CLYBL: variants seen among roughly 807,000 people sequenced by gnomAD.
CLYBL encodes the protein citramalyl-CoA lyase, mitochondrial.
A neutral mutation model predicts 38.9 loss-of-function variants in CLYBL; 31 were observed. The observed-to-expected ratio is 0.80, with a 90% CI of 0.60 to 1.08. The LOEUF is 1.08. Among genes scored for constraint, CLYBL ranks in the 50% least tolerant of loss-of-function variants. The pLI is 0.00. For synonymous variants in CLYBL, 171 were observed against 158.6 expected, an observed-to-expected ratio of 1.08 and a Z score of -0.59; for missense variants, 434 against 411.6, an observed-to-expected ratio of 1.05 and a Z score of -0.47.
At chr13:99,868,752 C>G (rs2051813764) in intron 6 of CLYBL, among the ~76,000 whole-genome samples, 2 of 151,968 alleles carry the variant, frequency 1.3e-5, no homozygotes, top group South Asian at 4.2e-4. Flanking sequence ...GAAACCAAAA[C>G]TAAATCTTGG....
intron 2 of CLYBL, among the ~76,000 whole-genome samples, chr13:99,829,574 T>G (rs2050764843): frequency 6.6e-6 from 1 of 152,206 alleles, no homozygotes; most frequent in Non-Finnish European, 1.5e-5. Context: ...GGTTTCTGGT[T>G]TATCTTAGAA....
intron 2 of CLYBL, among the ~76,000 whole-genome samples, chr13:99,804,172 G>A (rs1476789022): frequency 1.3e-5 from 2 of 152,228 alleles, no homozygotes; most frequent in Non-Finnish European, 2.9e-5. Context: ...GTGCACAAAG[G>A]CAGAGAGCGA....
At chr13:99,754,578 T>TG (rs1566313334) in intron 1 of CLYBL, among the ~76,000 whole-genome samples, 1 of 151,490 alleles carries the variant, frequency 6.6e-6, no homozygotes, top group Admixed American at 6.6e-5. Flanking sequence ...ATGATCTTTT[T>TG]TTGTTGTTGT....
chr13:99,908,261 G>T (rs2052717050), exon 10 of CLYBL, among the ~76,000 whole-genome samples: 1 of 152,198 alleles, frequency 6.6e-6, no homozygotes, highest in South Asian at 2.1e-4. Flanking sequence ...CTGGGCAGAG[G>T]CCCATCTGCT....
In CLYBL at chr13:99,618,036, T is replaced by G. The variant is rs774590159; in HGVS notation, c.62+11279T>G. 7.2e-5 allele frequency among the ~76,000 whole-genome samples: 11 copies of G among 152,202 alleles called. No homozygotes were observed. In the East Asian group the frequency reaches 7.7e-4, roughly 11 times the overall value. On this transcript the variant is annotated intron_variant, in intron 1 of 8. Transcript: ENST00000339105. ...TCCACCAGACATATCACATGCTTAT[T>G]TGTTTATTGTCCGCCTGTATCCTAC...
intron 2 of CLYBL, among the ~76,000 whole-genome samples, chr13:99,837,640 T>A (rs769769419): frequency 1.3e-5 from 2 of 152,232 alleles, no homozygotes. Flanking sequence ...TGAGGATTCA[T>A]GGCACGTGCT....
At chr13:99,841,819 T>TCC (rs1384663508) in intron 2 of CLYBL, among the ~76,000 whole-genome samples, 2 of 147,280 alleles carry the variant, frequency 1.4e-5, no homozygotes, top group Non-Finnish European at 3.0e-5. Context: ...TTCCTTTTTT[T>TCC]TTTTTTTTTT....
intron 6 of CLYBL, among the ~76,000 whole-genome samples, chr13:99,866,894 C>T (rs1358192276): frequency 6.6e-6 from 1 of 152,118 alleles, no homozygotes; most frequent in African/African-American, 2.4e-5. Context: ...CCAAGCCCCT[C>T]CTCTCTCTCC....
chr13:99,752,548 C>T (rs2048976438), intron 1 of CLYBL, among the ~76,000 whole-genome samples: 1 of 152,070 alleles, frequency 6.6e-6, no homozygotes, highest in Admixed American at 6.5e-5. Flanking sequence ...CTCCTAAGAA[C>T]ACAGCCCAGC....
intron 1 of CLYBL, chr13:99,691,020 G>A (rs1256204357): frequency 6.6e-6 from 1 of 152,198 alleles, no homozygotes; most frequent in Non-Finnish European, 1.5e-5. Context: ...TTGGGTTAAT[G>A]AGCACTTTCT....
At position 99,883,129 on chromosome 13, in the gene CLYBL, T is replaced by C. The variant is rs941160655; in HGVS notation, c.928-8189T>C. Among the ~76,000 whole-genome samples the C allele has an allele frequency of 2.0e-5, 3 of 152,176 alleles. No individual in the cohort carries two copies. The South Asian group carries it at 6.2e-4, about 32-fold the overall frequency. On this transcript the variant is annotated intron_variant, in intron 7 of 8. Coordinates refer to ENST00000339105, the MANE Select transcript of CLYBL (RefSeq NM_206808.5). ...GAGCAAACGTGGGCCCATCAGTGCA[T>C]GTAGCAAGAACAGGAACCCCACCGG... is the stretch of plus-strand genomic sequence containing the variant.
chr13:99,896,161 CGCCCGCCCGCCGCG>C (rs1051900998), downstream of CLYBL: 7 of 151,470 alleles, frequency 4.6e-5, no homozygotes, highest in Admixed American at 3.3e-4. Context: ...GGGCCCTGCT[CGCCCGCCCGCCGCG>C]GGCCGCCCGG....
chr13:99,875,632 C>A (rs1488228841), intron 7 of CLYBL, among the ~76,000 whole-genome samples: 1 of 152,210 alleles, frequency 6.6e-6, no homozygotes, highest in African/African-American at 2.4e-5. Context: ...GCCACTCTTT[C>A]ACGCAGATCA....
At chr13:99,804,932 C>T (rs1005325611) in intron 2 of CLYBL, among the ~76,000 whole-genome samples, 3 of 152,172 alleles carry the variant, frequency 2.0e-5, no homozygotes, top group African/African-American at 2.4e-5. Flanking sequence ...TTCCCCCTCC[C>T]GTCCCTGGCA....
chr13:99,861,609 G>A (rs896902763), intron 3 of CLYBL, among the ~76,000 whole-genome samples: 1 of 152,100 alleles, frequency 6.6e-6, no homozygotes, highest in African/African-American at 2.4e-5. Context: ...TTTTGGTTGA[G>A]TTATTCCTTC....
intron 1 of CLYBL, among the ~76,000 whole-genome samples, chr13:99,664,848 C>T (rs1211682833): frequency 6.6e-6 from 1 of 152,050 alleles, no homozygotes; most frequent in African/African-American, 2.4e-5. Context: ...TTTTTTAGTA[C>T]ACAATTAGGT....
chr13:99,862,490 T>C (rs1412771292), intron 3 of CLYBL, among the ~76,000 whole-genome samples: 1 of 152,140 alleles, frequency 6.6e-6, no homozygotes, highest in African/African-American at 2.4e-5. Context: ...GCTAAAAAAT[T>C]ATGAAGAAAA....
At chr13:99,819,302 G>A (rs1225143190) in intron 2 of CLYBL, among the ~76,000 whole-genome samples, 2 of 149,484 alleles carry the variant, frequency 1.3e-5, no homozygotes, top group Non-Finnish European at 3.0e-5. Context: ...CTATGATTAT[G>A]CCACTGCACT....
At chr13:99,721,651 A>G (rs1471930682) in intron 1 of CLYBL, among the ~76,000 whole-genome samples, 3 of 115,998 alleles carry the variant, frequency 2.6e-5, no homozygotes, top group East Asian at 6.0e-4. Flanking sequence ...TTTATTTTCA[A>G]TCGTGTCCTA....
Sources: gnomAD v4.1 joint callset for allele counts (sites outside exome capture counted in the v4.1 genomes callset) on GRCh38, gnomAD v4.1.1 for gene constraint, MANE v1.5 for transcripts, NCBI Gene and HGNC (gene_info 2026-07-23, HGNC 2026-07-21) for gene names.